ATG13: variants seen among roughly 807,000 people sequenced by gnomAD.
ATG13 encodes the protein autophagy-related protein 13.
A neutral mutation model predicts 65.5 loss-of-function variants in ATG13; 23 were observed. That is an observed-to-expected ratio of 0.35 (90% confidence interval 0.25 to 0.50). The LOEUF is 0.50. Among genes scored for constraint, ATG13 ranks in the 20% least tolerant of loss-of-function variants. The pLI is 0.98. For missense variants in ATG13, 566 were observed against 677.0 expected, an observed-to-expected ratio of 0.84 and a Z score of 1.82; for synonymous variants, 252 against 245.2, an observed-to-expected ratio of 1.03 and a Z score of -0.26.
intron 2 of ATG13, among the ~76,000 whole-genome samples, chr11:46,642,406 A>C (rs760977169): frequency 6.7e-6 from 1 of 149,852 alleles, no homozygotes; most frequent in African/African-American, 2.5e-5. Context: ...TCTGGGTTCA[A>C]GCAATTCTCT....
Position 46,663,426 on chromosome 11 carries a change from C to T in ATG13, c.790-571C>T, listed in dbSNP as rs138981879. ...CCTATGCCATCAGGGACTGTAAGAA[C>T]GCATACACACACCCCTGCACACCCA... On this transcript the variant is annotated intron_variant, in intron 11 of 18. Coordinates refer to ENST00000683050, the MANE Select transcript of ATG13 (RefSeq NM_001346311.2). Among the ~76,000 whole-genome samples the T allele has an allele frequency of 1.8e-3, 277 of 152,112 alleles. 6 individuals are homozygous for T. The East Asian group carries it at 0.042, about 23-fold the overall frequency.
intron 18 of ATG13, 68 bp from the exon 19 acceptor site, chr11:46,672,187 G>T: frequency 1.2e-6 from 2 of 1,610,294 alleles, no homozygotes; most frequent in Non-Finnish European, 1.7e-6. Flanking sequence ...CCCCTCTTCG[G>T]GACTGGGCTG....
At chr11:46,644,638 GT>G (rs890846173) in intron 3 of ATG13, among the ~76,000 whole-genome samples, 2 of 151,720 alleles carry the variant, frequency 1.3e-5, no homozygotes, top group Non-Finnish European at 2.9e-5. Flanking sequence ...GTTATGCCAG[GT>G]TATTGGCACA....
At chr11:46,668,954 C>CTAGA (rs1282085317) in intron 17 of ATG13, 44 bp downstream of exon 17, 5 of 1,466,332 alleles carry the variant, frequency 3.4e-6, no homozygotes, top group Non-Finnish European at 4.7e-6. Context: ...TCCCGGGGAA[C>CTAGA]TAGACCTAGA....
At chr11:46,665,654 G>A in intron 14 of ATG13, 135 bp downstream of exon 14, 1 of 1,255,314 alleles carries the variant, frequency 8.0e-7, no homozygotes, top group Non-Finnish European at 1.1e-6. Flanking sequence ...CCCAAAGCAT[G>A]GACTCCTAGC....
intron 7 of ATG13, among the ~76,000 whole-genome samples, chr11:46,655,790 T>C (rs539898334): frequency 6.6e-6 from 1 of 152,342 alleles, no homozygotes; most frequent in East Asian, 1.9e-4. Flanking sequence ...CAGGCTGGAA[T>C]GCAATGGTGC....
intron 2 of ATG13, among the ~76,000 whole-genome samples, chr11:46,640,145 AT>A (rs1235920290): frequency 6.6e-6 from 1 of 152,154 alleles, no homozygotes; most frequent in Admixed American, 6.6e-5. Context: ...GTGCCCATGT[AT>A]TTAAGCAATT....
rs550844593 is a variant in ATG13 at position 46,638,958 on chromosome 11, C to T, written c.-13-5321C>T. On this transcript the variant is annotated intron_variant, in intron 2 of 18. Transcript: ENST00000683050. ...AAGTAGCTGGGACTACAGGCATGTG[C>T]CACCACACTCGGCTGATTTTTATTT... is the stretch of plus-strand genomic sequence containing the variant. 3.2e-4 allele frequency among the ~76,000 whole-genome samples: 49 copies of T among 151,930 alleles called. 1 individual carries two copies. The highest frequency in any genetic ancestry group is 1.2e-3 in the African/African-American group (49 of 41,406).
Position 46,672,321 on chromosome 11 carries a change from A to G in ATG13, c.1642A>G (p.Thr548Ala). ...NVREFDAFVE[T>A]LQ ...CCGCGAGTTTGATGCCTTTGTGGAA[A>G]CCCTGCAGTAAAAGTATCCTTGAGT... Residue 548 changes from threonine to alanine, a missense_variant, in exon 19 of 19, where the codon ACC becomes GCC. Physicochemically the swap from Thr to Ala is moderately conservative, Grantham distance 58 (BLOSUM62 0). Coordinates refer to ENST00000683050, the MANE Select transcript of ATG13 (RefSeq NM_001346311.2). 6.2e-7 allele frequency: 1 copy of G among 1,614,154 alleles called. No homozygotes were observed. Among genetic ancestry groups the G allele is most frequent in the Non-Finnish European group, 8.5e-7 (1 of 1,180,022 alleles).
chr11:46,636,696 A>ATCCTCCTGCCTCAACC (rs1460680573), intron 2 of ATG13, among the ~76,000 whole-genome samples: 2 of 151,366 alleles, frequency 1.3e-5, no homozygotes, highest in East Asian at 3.9e-4. Flanking sequence ...GCCACAAGCG[A>ATCCTCCTGCCTCAACC]TCCTCCTGCC....
chr11:46,656,014 C>T (rs935938329), intron 7 of ATG13, among the ~76,000 whole-genome samples: 1 of 152,196 alleles, frequency 6.6e-6, no homozygotes, highest in Non-Finnish European at 1.5e-5. Flanking sequence ...AGCCACTGTG[C>T]CTGGCCTTAT....
At chr11:46,629,261 G>A (rs1412461104) in intron 1 of ATG13, among the ~76,000 whole-genome samples, 1 of 151,940 alleles carries the variant, frequency 6.6e-6, no homozygotes, top group Non-Finnish European at 1.5e-5. Flanking sequence ...TCTGTTTTCT[G>A]TCACAAGAGA....
chr11:46,656,386 A>G (rs2060049489), intron 8 of ATG13, 113 bp downstream of exon 8: 3 of 1,112,356 alleles, frequency 2.7e-6, no homozygotes, highest in African/African-American at 3.1e-5. Context: ...TATGCATAAT[A>G]CAAGTAAAGA....
At chr11:46,642,622 A>G (rs1451476628) in intron 2 of ATG13, among the ~76,000 whole-genome samples, 2 of 152,068 alleles carry the variant, frequency 1.3e-5, no homozygotes, top group Non-Finnish European at 2.9e-5. Context: ...TTTCCTTTAA[A>G]ATATCACCCA....
In ATG13 at chr11:46,665,483, C is replaced by A. The variant is rs367617041; in HGVS notation, c.1100C>A (p.Ser367Tyr). The A allele has an allele frequency of 4.3e-6, 7 of 1,614,256 alleles. No homozygotes were observed. Among genetic ancestry groups the A allele is most frequent in the African/African-American group, 1.3e-5 (1 of 75,068 alleles). ...GAGAGACTGGCAACCTGCACCCCTT[C>A]TGACAGAACCCACTGTGCTGCCACA... Reference protein sequence around the residue: ...DQERLATCTPSDRTHCAATPS... With the variant: ...DQERLATCTPYDRTHCAATPS... The change falls in exon 14 of 19, where the codon TCT becomes TAT. Residue 367 changes from serine to tyrosine, a missense_variant. By Grantham distance (144) the Ser-to-Tyr change is moderately radical. Around this residue, in one of 2 missense-constraint regions of ATG13, gnomAD observed 387 missense variants for 409.8 expected, o/e 0.94. Coordinates refer to ENST00000683050, the MANE Select transcript of ATG13 (RefSeq NM_001346311.2).
chr11:46,623,549 T>G (rs1403022646), intron 1 of ATG13, among the ~76,000 whole-genome samples: 1 of 151,884 alleles, frequency 6.6e-6, no homozygotes, highest in Non-Finnish European at 1.5e-5. Context: ...TGCCTCAGCC[T>G]CCCAAGTAGC....
Position 46,672,823 on chromosome 11 carries a change from T to G in ATG13, c.*491T>G, listed in dbSNP as rs1279585153. 3 of 1,270,086 alleles carry G rather than the reference T, an allele frequency of 2.4e-6. No homozygotes were observed. Among genetic ancestry groups the G allele is most frequent in the Non-Finnish European group, 3.1e-6 (3 of 976,386 alleles). 78.7% of individuals were successfully genotyped at this position (1,270,086 alleles called of 1,614,324 possible). A position where few individuals can be genotyped will look rare whatever the true frequency, so the allele number is the denominator to read the frequency against. The stretch of plus-strand genomic sequence containing the variant: ...AGAAGGAAGGAGTCCCTTAGCTCTC[T>G]TCATTGTCCCCTTTACTTCCTGCTA... On this transcript the variant is annotated 3_prime_UTR_variant, in exon 19 of 19. Transcript: ENST00000683050.
Position 46,659,643 on chromosome 11 carries a change from A to AGAT in ATG13, c.789+159_789+161dup, listed in dbSNP as rs2060752377. 4 of 574,048 alleles carry AGAT rather than the reference A, an allele frequency of 7.0e-6. No individual in the cohort carries two copies. The East Asian group carries it at 1.2e-4, about 17-fold the overall frequency. 35.6% of individuals were successfully genotyped at this position (574,048 alleles called of 1,614,324 possible). On this transcript the variant is annotated intron_variant, in intron 11 of 18. Transcript: ENST00000683050. ...GTAAGAGAGAGCCTTCTTGTCCAGA[A>AGAT]GATAGTATTTCTAGTCTGTAATTAT... is the stretch of plus-strand genomic sequence containing the variant.
intron 11 of ATG13, among the ~76,000 whole-genome samples, chr11:46,661,035 T>A (rs560717287): frequency 6.6e-6 from 1 of 151,968 alleles, no homozygotes; most frequent in African/African-American, 2.4e-5. Context: ...TTTTGTTTTG[T>A]TTTGTTTTGA....
Sources: gnomAD v4.1 joint callset for allele counts (sites outside exome capture counted in the v4.1 genomes callset) on GRCh38, gnomAD v4.1.1 for gene constraint, gnomAD v4.1.1 regional missense constraint, MANE v1.5 for transcripts, NCBI Gene and HGNC (gene_info 2026-07-23, HGNC 2026-07-21) for gene names.